The following MEPE variants were observed in gnomAD, a reference collection of about 807,000 sequenced individuals.
The protein encoded by MEPE is matrix, extracellular phosphoglycoprotein with ASARM motif (bone).
MEPE carries 7 observed loss-of-function variants against 7.3 expected under a neutral mutation model. The ratio of observed to expected loss-of-function variants is 0.95; its 90% CI spans 0.54 to 1.79. MEPE has a LOEUF of 1.79. Among genes scored for constraint, MEPE ranks in the 40% most tolerant of loss-of-function variants. The pLI is 0.00. For synonymous variants in MEPE, 214 were observed against 213.1 expected (o/e 1.00, Z -0.04); for missense variants, 623 against 628.2 (o/e 0.99, Z 0.09).
chr4:87,843,912 T>C (rs918767126), intron 3 of MEPE, among the ~76,000 whole-genome samples: 5 of 152,192 alleles, frequency 3.3e-5, no homozygotes, highest in African/African-American at 1.2e-4. Context: ...CATGGGATAA[T>C]GTTGCCTAAC....
chr4:87,828,825 G>A (rs1722532457), upstream of MEPE, among the ~76,000 whole-genome samples: 1 of 152,168 alleles, frequency 6.6e-6, no homozygotes, highest in Admixed American at 6.6e-5. Flanking sequence ...ATTGGTGGAG[G>A]TGTCCATTTT....
intron 3 of MEPE, among the ~76,000 whole-genome samples, chr4:87,842,506 G>A (rs1314157913): frequency 1.3e-5 from 2 of 152,168 alleles, no homozygotes; most frequent in Non-Finnish European, 2.9e-5. Context: ...GTGGATGGAT[G>A]CCCCGTGCTT....
At chr4:87,831,005 C>T (rs1463684749), upstream of MEPE, among the ~76,000 whole-genome samples, 1 of 152,002 alleles carries the variant, frequency 6.6e-6, no homozygotes, top group African/African-American at 2.4e-5. Flanking sequence ...TAATATACAA[C>T]TGTTAAAGGT....
In MEPE at chr4:87,845,075, G is replaced by T. The variant is rs1445452721; in HGVS notation, c.207G>T (p.Lys69Asn). ...SSKENIVQER[K>N]KDLSLSEASE... Reference sequence around the variant, plus strand: ...AAGAAAATATTGTCCAGGAAAGAAAGAAAGATTTGTCCCTTTCTGAAGCCA... The same window carrying T: ...AAGAAAATATTGTCCAGGAAAGAAATAAAGATTTGTCCCTTTCTGAAGCCA... Residue 69 changes from lysine to asparagine, a missense_variant, in exon 4 of 4, where the codon AAG becomes AAT. Lys to Asn is a moderately conservative substitution (Grantham distance 94). Coordinates refer to ENST00000361056, the MANE Select transcript of MEPE (RefSeq NM_020203.6). The T allele has an allele frequency of 6.2e-7, 1 of 1,613,490 alleles. No individual in the cohort carries two copies. Among genetic ancestry groups the T allele is most frequent in the Admixed American group, 1.7e-5 (1 of 59,902 alleles).
chr4:87,841,126 T>C (rs1050700700), intron 3 of MEPE, among the ~76,000 whole-genome samples: 1 of 152,206 alleles, frequency 6.6e-6, no homozygotes, highest in Non-Finnish European at 1.5e-5. Context: ...GTTACTTTTT[T>C]AAAAGCAGAG....
upstream of MEPE, among the ~76,000 whole-genome samples, chr4:87,828,167 C>T (rs558864694): frequency 4.9e-4 from 74 of 152,244 alleles, no homozygotes; most frequent in South Asian, 0.015. Context: ...CCAATCTAAG[C>T]ATCTGTATGG....
chr4:87,828,007 A>T (rs965381802), upstream of MEPE, among the ~76,000 whole-genome samples: 17 of 152,210 alleles, frequency 1.1e-4, no homozygotes, highest in South Asian at 2.1e-4. Context: ...TGAGCTTAGG[A>T]TGATTATTGA....
chr4:87,824,713 G>A (rs552447821), intron 1 of MEPE, among the ~76,000 whole-genome samples: 2 of 151,990 alleles, frequency 1.3e-5, no homozygotes, highest in East Asian at 3.9e-4. Context: ...TCTTTTCTTT[G>A]TGTTTTTTTT....
intron 3 of MEPE, among the ~76,000 whole-genome samples, chr4:87,841,151 A>G (rs891589212): frequency 4.6e-5 from 7 of 152,196 alleles, no homozygotes; most frequent in Non-Finnish European, 1.0e-4. Flanking sequence ...ACCGAAAATA[A>G]AACATAACTT....
intron 3 of MEPE, chr4:87,839,829 G>C (rs967913419): frequency 6.5e-7 from 1 of 1,541,676 alleles, no homozygotes. Context: ...CTCTGGACTA[G>C]CCCTAGAGGA....
rs775965129 is a variant in MEPE, at chr4:87,845,761, CA to C, written c.899del (p.Lys300SerfsTer36). 3 of 1,613,650 alleles carry C rather than the reference CA, an allele frequency of 1.9e-6. No homozygotes were observed. The highest frequency in any genetic ancestry group is 2.5e-6 in the Non-Finnish European group (3 of 1,179,874). ...GAAGCTGAGAGTACTCATCTTGACACAAAAAAGCCAGGTTATAATGAGATCC... is the reference window on the plus strand; with the variant it reads ...GAAGCTGAGAGTACTCATCTTGACACAAAAAGCCAGGTTATAATGAGATCC... Reference protein sequence around the residue: ...PSEAESTHLDTKKPGYNEIPE... With the variant: ...PSEAESTHLDXKKPGYNEIPE... On this transcript the variant is annotated frameshift_variant, in exon 4 of 4. Coordinates refer to ENST00000361056, the MANE Select transcript of MEPE (RefSeq NM_020203.6). LOFTEE classifies it low-confidence loss of function (END_TRUNC).
chr4:87,844,830 A>C, intron 3 of MEPE, 147 bp from the exon 4 acceptor site: 1 of 586,560 alleles, frequency 1.7e-6, no homozygotes, highest in Non-Finnish European at 2.7e-6. Flanking sequence ...TGACCATTCT[A>C]GAATGACCTC....
chr4:87,831,481 T>C (rs1006999296), upstream of MEPE, among the ~76,000 whole-genome samples: 4 of 152,146 alleles, frequency 2.6e-5, no homozygotes, highest in Non-Finnish European at 4.4e-5. Context: ...TTACCATTTT[T>C]CCCCAAACTT....
chr4:87,836,677 G>A (rs1187191909), intron 2 of MEPE, among the ~76,000 whole-genome samples: 3 of 152,104 alleles, frequency 2.0e-5, no homozygotes, highest in Non-Finnish European at 4.4e-5. Flanking sequence ...TTAATATAAA[G>A]TTTAGGAACA....
Position 87,840,178 on chromosome 4 carries a change from A to G in MEPE, c.108+1493A>G, listed in dbSNP as rs374074669. ...TCTCAGCAGGGGACGGCTAAGAGGA[A>G]AAACCATTTTGGCCTAATGAGTGAC... On this transcript the variant is annotated intron_variant, in intron 3 of 3. Coordinates refer to ENST00000361056, the MANE Select transcript of MEPE (RefSeq NM_020203.6). The G allele has an allele frequency of 4.9e-4, 567 of 1,160,516 alleles. 4 individuals are homozygous for G. In the South Asian group the frequency reaches 5.0e-3, roughly 10 times the overall value. 71.9% of individuals were successfully genotyped at this position (1,160,516 alleles called of 1,614,324 possible).
At chr4:87,836,423 G>A (rs956832285) in intron 2 of MEPE, among the ~76,000 whole-genome samples, 3 of 152,048 alleles carry the variant, frequency 2.0e-5, no homozygotes, top group Non-Finnish European at 4.4e-5. Flanking sequence ...ATGTGTGTGT[G>A]TGTGTGTGTT....
At chr4:87,839,942 C>T (rs2110005433) in intron 3 of MEPE, 1 of 1,536,032 alleles carries the variant, frequency 6.5e-7, no homozygotes, top group East Asian at 2.4e-5. Context: ...TCAAGCCTCT[C>T]TACTACAAAA....
At chr4:87,843,405 C>T (rs1336964991) in intron 3 of MEPE, among the ~76,000 whole-genome samples, 2 of 152,156 alleles carry the variant, frequency 1.3e-5, no homozygotes, top group East Asian at 3.8e-4. Context: ...ACCCTCCATA[C>T]CCCTCAGGAT....
Position 87,844,693 on chromosome 4 carries a change from G to A in MEPE, c.109-284G>A, listed in dbSNP as rs564470178. On this transcript the variant is annotated intron_variant, in intron 3 of 3. Transcript: ENST00000361056. ...TTTATTCATATTATGTCTCAATTGTGTCCTGTTTCCAAACAATTGAATATG... is the reference window on the plus strand; with the variant it reads ...TTTATTCATATTATGTCTCAATTGTATCCTGTTTCCAAACAATTGAATATG... Among the ~76,000 whole-genome samples the A allele has an allele frequency of 3.3e-5, 5 of 152,182 alleles. No individual in the cohort carries two copies. In the South Asian group the frequency reaches 1.0e-3, roughly 32 times the overall value.
Sources: allele counts gnomAD v4.1 joint callset (sites outside exome capture counted in the v4.1 genomes callset), GRCh38; gene constraint gnomAD v4.1.1; transcripts MANE v1.5; gene names NCBI Gene and HGNC (gene_info 2026-07-23, HGNC 2026-07-21).